The following LRBA variants were observed in gnomAD, a reference collection of about 807,000 sequenced individuals.
LRBA encodes the protein lipopolysaccharide-responsive and beige-like anchor protein.
LRBA carries 176 observed loss-of-function variants against 330.0 expected under a neutral mutation model. The observed-to-expected ratio is 0.53, with a 90% CI of 0.47 to 0.60. The LOEUF is 0.60. Ranked by LOEUF, LRBA falls within the 20% of genes least tolerant of loss-of-function variation. The probability of loss-of-function intolerance (pLI) is 0.00; values close to 1 mark genes in which losing one functional copy is unlikely to be tolerated. For missense variants in LRBA, 3,259 were observed against 3,444.8 expected (o/e 0.95, Z 1.35); for synonymous variants, 1,230 against 1,193.0 (o/e 1.03, Z -0.64).
chr4:150,584,096 T>G, intron 40 of LRBA: 1 of 1,545,612 alleles, frequency 6.5e-7, no homozygotes, highest in Non-Finnish European at 8.7e-7. Context: ...CCCAAAAGCC[T>G]GGACAAACTA....
chr4:150,767,977 T>A (rs1736005898), intron 34 of LRBA, among the ~76,000 whole-genome samples: 1 of 138,806 alleles, frequency 7.2e-6, no homozygotes, highest in Non-Finnish European at 1.5e-5. Context: ...GGCAGAAGAA[T>A]CACTTAAACC....
At chr4:150,496,709 T>C (rs1759631798) in intron 40 of LRBA, among the ~76,000 whole-genome samples, 1 of 152,116 alleles carries the variant, frequency 6.6e-6, no homozygotes. Flanking sequence ...AATTCTATAG[T>C]AATTTTATTT....
chr4:150,891,346 TAAC>T (rs1216695599), intron 17 of LRBA, among the ~76,000 whole-genome samples: 17 of 152,316 alleles, frequency 1.1e-4, no homozygotes, highest in African/African-American at 3.8e-4. Flanking sequence ...TATAAATAAA[TAAC>T]AAACTGTAAA....
intron 48 of LRBA, among the ~76,000 whole-genome samples, chr4:150,340,283 T>C (rs1735346485): frequency 6.6e-6 from 1 of 152,202 alleles, no homozygotes; most frequent in Admixed American, 6.5e-5. Context: ...TGGTCAATTA[T>C]TACTTTTGGT....
At chr4:150,592,874 C>T (rs1561399638) in intron 38 of LRBA, among the ~76,000 whole-genome samples, 2 of 152,066 alleles carry the variant, frequency 1.3e-5, no homozygotes, top group Non-Finnish European at 2.9e-5. Context: ...CTCAAGCAAT[C>T]CTACCACCTC....
chr4:150,503,762 G>C (rs1414025868), intron 40 of LRBA, among the ~76,000 whole-genome samples: 1 of 152,188 alleles, frequency 6.6e-6, no homozygotes, highest in Admixed American at 6.5e-5. Context: ...GACGAGTTGA[G>C]AGAAGAAGGC....
intron 34 of LRBA, among the ~76,000 whole-genome samples, chr4:150,779,216 C>A (rs1343799989): frequency 1.3e-5 from 2 of 152,056 alleles, no homozygotes; most frequent in African/African-American, 4.8e-5. Context: ...CAAAGTTATT[C>A]TTAGAGACAA....
intron 42 of LRBA, among the ~76,000 whole-genome samples, chr4:150,475,583 C>T (rs1267486151): frequency 6.6e-6 from 1 of 151,966 alleles, no homozygotes; most frequent in Admixed American, 6.6e-5. Flanking sequence ...TCATGATATT[C>T]CTTTCTACTC....
At chr4:150,474,136 T>A (rs1262215048) in intron 42 of LRBA, among the ~76,000 whole-genome samples, 3 of 152,158 alleles carry the variant, frequency 2.0e-5, no homozygotes, top group Non-Finnish European at 2.9e-5. Context: ...ATAATATATT[T>A]TGAGTTAATT....
intron 2 of LRBA, among the ~76,000 whole-genome samples, chr4:150,960,226 T>C (rs1737995265): frequency 6.7e-6 from 1 of 149,112 alleles, no homozygotes; most frequent in South Asian, 2.1e-4. Context: ...GATAACATTA[T>C]AAAAAGAGAC....
intron 42 of LRBA, among the ~76,000 whole-genome samples, chr4:150,484,747 T>TC (rs959978142): frequency 3.3e-5 from 5 of 151,778 alleles, no homozygotes; most frequent in African/African-American, 1.2e-4. Flanking sequence ...CCTCCTCCCC[T>TC]CCCCCTTACC....
At chr4:150,923,640 T>C (rs951595303) in intron 4 of LRBA, among the ~76,000 whole-genome samples, 1 of 152,092 alleles carries the variant, frequency 6.6e-6, no homozygotes, top group Non-Finnish European at 1.5e-5. Context: ...CTCTAATACA[T>C]GAAACAACCA....
intron 34 of LRBA, among the ~76,000 whole-genome samples, chr4:150,770,238 G>A (rs952339458): frequency 3.3e-4 from 50 of 152,046 alleles, no homozygotes; most frequent in East Asian, 1.9e-4. Context: ...TGGTTTTCCC[G>A]GGCCTTTAAG....
chr4:150,544,438 T>G (rs1443481633), intron 40 of LRBA, among the ~76,000 whole-genome samples: 1 of 152,210 alleles, frequency 6.6e-6, no homozygotes, highest in Admixed American at 6.5e-5. Flanking sequence ...CTCTTTAAAC[T>G]GACATTTACC....
chr4:150,886,371 G>C (rs72961899), intron 17 of LRBA, among the ~76,000 whole-genome samples: 8,808 of 152,180 alleles, frequency 0.058, 773 homozygotes, highest in African/African-American at 0.2. Flanking sequence ...AAATAGCAGA[G>C]AGTAAGAGAA....
At chr4:150,855,445 C>T (rs947749896) in intron 22 of LRBA, among the ~76,000 whole-genome samples, 1 of 152,094 alleles carries the variant, frequency 6.6e-6, no homozygotes, top group African/African-American at 2.4e-5. Flanking sequence ...CTTTAGTTTT[C>T]AATAATCATT....
chr4:150,496,529 A>C (rs1199259700), intron 40 of LRBA, among the ~76,000 whole-genome samples: 1 of 152,066 alleles, frequency 6.6e-6, no homozygotes, highest in Admixed American at 6.5e-5. Context: ...AAATGTTTTA[A>C]AATTCCTCCT....
intron 13 of LRBA, among the ~76,000 whole-genome samples, chr4:150,903,081 T>C (rs1184881533): frequency 6.6e-6 from 1 of 152,148 alleles, no homozygotes; most frequent in East Asian, 1.9e-4. Context: ...ATAAGAGTCA[T>C]ATGTTAGGAA....
At chr4:150,405,102 C>A (rs897557108) in intron 47 of LRBA, among the ~76,000 whole-genome samples, 4 of 152,106 alleles carry the variant, frequency 2.6e-5, no homozygotes, top group African/African-American at 9.7e-5. Context: ...CATAATCAAT[C>A]ACAACAAGAT....
Sources: gnomAD v4.1 joint callset for allele counts (sites outside exome capture counted in the v4.1 genomes callset) on GRCh38, gnomAD v4.1.1 for gene constraint, MANE v1.5 for transcripts, NCBI Gene and HGNC (gene_info 2026-07-23, HGNC 2026-07-21) for gene names.